CHLSN: variants seen among roughly 807,000 people sequenced by gnomAD.
CHLSN encodes protein cholesin.
At chr7:1,021,548 G>C in the CHLSN span, 3 of 985,328 alleles carry the variant, frequency 3.0e-6, no homozygotes, top group South Asian at 4.7e-5. Context: ...CACCGCACAG[G>C]AGTAGGGCTT....
At chr7:989,062 C>A in the CHLSN span, 539 of 458,286 alleles carry the variant, frequency 1.2e-3, 2 homozygotes, top group African/African-American at 9.3e-3. Context: ...TGCCAGCCCC[C>A]AGGAGCGCCT....
chr7:989,861 G>A, the CHLSN span, among the ~76,000 whole-genome samples: 2 of 151,680 alleles, frequency 1.3e-5, no homozygotes, highest in Non-Finnish European at 2.9e-5. Flanking sequence ...AGTGGCACGT[G>A]TGCTGGGGGC....
chr7:1,104,005 G>A, the CHLSN span, among the ~76,000 whole-genome samples: 1 of 152,242 alleles, frequency 6.6e-6, no homozygotes, highest in Non-Finnish European at 1.5e-5. Context: ...TGTGCTTTGG[G>A]ATCTCGGTGC....
the CHLSN span, among the ~76,000 whole-genome samples, chr7:1,030,212 G>A: frequency 1.3e-5 from 2 of 152,084 alleles, no homozygotes; most frequent in Admixed American, 1.3e-4. Context: ...CTTCCCGAAC[G>A]CAACGACCCA....
the CHLSN span, among the ~76,000 whole-genome samples, chr7:1,018,205 T>C: frequency 6.6e-6 from 1 of 152,170 alleles, no homozygotes; most frequent in Non-Finnish European, 1.5e-5. Context: ...CACTAGGGCT[T>C]GGCGGGTGGG....
At chr7:1,054,324 T>A in the CHLSN span, among the ~76,000 whole-genome samples, 1 of 152,194 alleles carries the variant, frequency 6.6e-6, no homozygotes, top group Non-Finnish European at 1.5e-5. Flanking sequence ...TGATACCTGG[T>A]GAACTGCACA....
the CHLSN span, among the ~76,000 whole-genome samples, chr7:1,119,448 C>T: frequency 6.6e-6 from 1 of 152,142 alleles, no homozygotes; most frequent in Non-Finnish European, 1.5e-5. Flanking sequence ...ATCTTAAGCG[C>T]CTCAAAGGAC....
the CHLSN span, among the ~76,000 whole-genome samples, chr7:1,017,256 A>AT: frequency 6.6e-6 from 1 of 152,188 alleles, no homozygotes; most frequent in Admixed American, 6.5e-5. Flanking sequence ...CAGAGGGAAG[A>AT]TAAGGAGCTC....
chr7:1,062,639 C>T, the CHLSN span, among the ~76,000 whole-genome samples: 1,350 of 152,336 alleles, frequency 8.9e-3, 10 homozygotes, highest in Middle Eastern at 0.02. Flanking sequence ...GACTACACCC[C>T]TGAGGGCTTC....
the CHLSN span, among the ~76,000 whole-genome samples, chr7:1,078,787 A>T: frequency 8.9e-4 from 136 of 152,358 alleles, no homozygotes; most frequent in African/African-American, 3.2e-3. Flanking sequence ...TGCTCCAGAC[A>T]GAGGCTGGGA....
the CHLSN span, among the ~76,000 whole-genome samples, chr7:1,016,189 G>A: frequency 5.1e-5 from 5 of 98,600 alleles, no homozygotes; most frequent in African/African-American, 2.1e-4. Context: ...GCACACGCCA[G>A]CACACAGCAG....
the CHLSN span, chr7:1,092,701 A>G: frequency 1.2e-6 from 2 of 1,612,846 alleles, no homozygotes; most frequent in Non-Finnish European, 1.7e-6. Context: ...CCTCATCTAC[A>G]GCTTTCTCGG....
the CHLSN span, among the ~76,000 whole-genome samples, chr7:1,134,467 G>T: frequency 1.3e-5 from 2 of 151,594 alleles, no homozygotes; most frequent in African/African-American, 4.9e-5. Flanking sequence ...CCAGCTACTC[G>T]GGAGGCTGAG....
chr7:1,017,753 C>T, the CHLSN span, among the ~76,000 whole-genome samples: 5 of 152,234 alleles, frequency 3.3e-5, no homozygotes, highest in East Asian at 1.9e-4. Context: ...CCGCGGACGG[C>T]GGGGAAGGGG....
At chr7:1,115,733 C>A in the CHLSN span, among the ~76,000 whole-genome samples, 2 of 122,808 alleles carry the variant, frequency 1.6e-5, no homozygotes, top group Admixed American at 8.6e-5. Context: ...GCTTCCATCA[C>A]CGACGCCCAC....
chr7:1,116,338 T>C, the CHLSN span, among the ~76,000 whole-genome samples: 5,789 of 100,924 alleles, frequency 0.057, 713 homozygotes, highest in African/African-American at 0.21. Flanking sequence ...CCAACGCCCA[T>C]GCAGGATGAT....
At chr7:998,513 T>G in the CHLSN span, among the ~76,000 whole-genome samples, 1 of 143,656 alleles carries the variant, frequency 7.0e-6, no homozygotes, top group East Asian at 2.1e-4. Flanking sequence ...CAGGCTGCAG[T>G]GCAGTGGCAC....
chr7:999,673 C>A, the CHLSN span, among the ~76,000 whole-genome samples: 2 of 152,234 alleles, frequency 1.3e-5, no homozygotes, highest in Non-Finnish European at 2.9e-5. Flanking sequence ...GGGCCTGCCC[C>A]GCTCTGAGAG....
At chr7:1,041,258 C>T in the CHLSN span, among the ~76,000 whole-genome samples, 98 of 149,886 alleles carry the variant, frequency 6.5e-4, no homozygotes, top group African/African-American at 2.3e-3. Flanking sequence ...CTGGGCTCCG[C>T]GCTGCGGGGA....
Sources: gnomAD v4.1 joint callset for allele counts (sites outside exome capture counted in the v4.1 genomes callset) on GRCh38, gnomAD v4.1.1 for gene constraint, MANE v1.5 for transcripts, NCBI Gene and HGNC (gene_info 2026-07-23, HGNC 2026-07-21) for gene names.